SLC9B1: variants seen among roughly 807,000 people sequenced by gnomAD.
The protein encoded by SLC9B1 is sodium/hydrogen exchanger 9B1.
In SLC9B1, 32 loss-of-function variants were observed where a neutral mutation model predicts 51.7. That is an observed-to-expected ratio of 0.62 (90% CI 0.47 to 0.83). The LOEUF is 0.83. Among genes scored for constraint, SLC9B1 ranks in the 40% least tolerant of loss-of-function variants. The pLI is 0.00. For synonymous variants in SLC9B1, 145 were observed against 212.7 expected (o/e 0.68, Z 2.77); for missense variants, 406 against 613.2 (o/e 0.66, Z 3.57).
intron 1 of SLC9B1, among the ~76,000 whole-genome samples, chr4:102,997,519 G>C (rs1204150787): frequency 1.3e-5 from 2 of 151,966 alleles, no homozygotes; most frequent in East Asian, 3.9e-4. Flanking sequence ...ATTTCACTTT[G>C]TATCAGGCCT....
chr4:102,942,162 C>T (rs1183681322), intron 6 of SLC9B1, among the ~76,000 whole-genome samples: 2 of 152,116 alleles, frequency 1.3e-5, no homozygotes, highest in African/African-American at 4.8e-5. Flanking sequence ...AGGTGAAAGA[C>T]TTCTACAGTG....
chr4:102,905,609 T>A lies in SLC9B1; in HGVS notation c.1237A>T (p.Ile413Phe), dbSNP rs779264959. ...ATLSLALCVR[I>F]LTTYLLMCFA... is the part of the protein sequence containing the mutation. ...CACATCAATAGATATGTGGTTAAAATTCGAACACATAATGCCAAACTTAGA... is the reference window on the plus strand; with the variant it reads ...CACATCAATAGATATGTGGTTAAAAATCGAACACATAATGCCAAACTTAGA... Residue 413 changes from isoleucine to phenylalanine, a missense_variant, in exon 11 of 12, where the codon ATT (isoleucine) becomes TTT (phenylalanine). Transcript: ENST00000296422. 1.2e-6 allele frequency: 2 copies of A among 1,611,460 alleles called. No homozygotes were observed. Among genetic ancestry groups the A allele is most frequent in the Non-Finnish European group, 1.7e-6 (2 of 1,179,612 alleles).
At chr4:102,937,224 T>C (rs576260273) in intron 6 of SLC9B1, among the ~76,000 whole-genome samples, 2 of 151,730 alleles carry the variant, frequency 1.3e-5, no homozygotes, top group South Asian at 2.1e-4. Context: ...TGCCTCAGCC[T>C]CCCAAGTAGC....
At chr4:102,982,772 A>C (rs1739424819) in intron 3 of SLC9B1, among the ~76,000 whole-genome samples, 2 of 152,064 alleles carry the variant, frequency 1.3e-5, no homozygotes, top group Non-Finnish European at 2.9e-5. Context: ...TTGTTCCAGG[A>C]GTTTTTTTTA....
Position 102,901,125 on chromosome 4 carries a change from G to A in SLC9B1, c.1540C>T (p.His514Tyr), listed in dbSNP as rs1370644063. Residue 514 changes from histidine (H) to tyrosine (Y), a missense_variant, in exon 12 of 12, where the codon CAT (histidine) becomes TAT (tyrosine). Around this residue, in one of 6 missense-constraint regions of SLC9B1, gnomAD observed 18 missense variants for 35.9 expected, o/e 0.50. Transcript: ENST00000296422. The stretch of plus-strand genomic sequence containing the variant: ...GATGACAGGTAAACTTTTTAATGAT[G>A]TTCTAATGTTGACAACTGCAGTTTT... ...KIKLQLSTLEHH is the reference protein window; with the variant it reads ...KIKLQLSTLEYH The A allele has an allele frequency of 6.2e-6, 10 of 1,610,644 alleles. No homozygotes were observed. The African/African-American group carries it at 1.2e-4, about 19-fold the overall frequency.
chr4:102,899,522 T>G (rs1734692992), downstream of SLC9B1, among the ~76,000 whole-genome samples: 1 of 151,968 alleles, frequency 6.6e-6, no homozygotes, highest in Admixed American at 6.6e-5. Context: ...CAAGCGATTC[T>G]CCTGCCTTAG....
rs570931580 is a variant in SLC9B1 at position 102,930,710 on chromosome 4, A to AT, written c.829+1413dup. On this transcript the variant is annotated intron_variant, in intron 7 of 11. Transcript: ENST00000296422. Reference sequence around the variant, plus strand: ...AGGCATGAGCCACCATGCCTGGCCAATTTTTTAATTAAAAAAAATTTTTAT... The same window carrying AT: ...AGGCATGAGCCACCATGCCTGGCCAATTTTTTTAATTAAAAAAAATTTTTAT... 3.1e-3 allele frequency among the ~76,000 whole-genome samples: 477 copies of AT among 152,236 alleles called. 3 individuals are homozygous for AT. Among genetic ancestry groups the AT allele is most frequent in the African/African-American group, 0.011 (454 of 41,550 alleles).
Position 102,955,694 on chromosome 4 carries a change from A to G in SLC9B1, c.212-6267T>C, listed in dbSNP as rs955114728. Among the ~76,000 whole-genome samples the G allele has an allele frequency of 2.2e-4, 34 of 152,190 alleles. 1 individual carries two copies. Among genetic ancestry groups the G allele is most frequent in the Non-Finnish European group, 4.0e-4 (27 of 68,020 alleles). Reference sequence around the variant, plus strand: ...ATTTAAATGAGAGATCCTGAGGGTCAATAGGTGCAGCAAACCACCATGGCA... The same window carrying G: ...ATTTAAATGAGAGATCCTGAGGGTCGATAGGTGCAGCAAACCACCATGGCA... On this transcript the variant is annotated intron_variant, in intron 3 of 11. Transcript: ENST00000296422.
intron 3 of SLC9B1, among the ~76,000 whole-genome samples, chr4:102,956,304 T>C (rs533318580): frequency 2.6e-4 from 32 of 123,302 alleles, no homozygotes; most frequent in Admixed American, 1.3e-3. Flanking sequence ...ATTAAAAACC[T>C]GAGTATTACT....
rs543903162 is a variant in SLC9B1, at chr4:102,992,990, T to C, written c.-1-1278A>G. On this transcript the variant is annotated intron_variant, in intron 1 of 11. Transcript: ENST00000296422. ...GATCTTCTGAGACTAACTCACAAGA[T>C]CCAGCTACCTATACCTTGTCCCACC... Among the ~76,000 whole-genome samples, 6 of 152,290 alleles carry C rather than the reference T, an allele frequency of 3.9e-5. No homozygotes were observed. The South Asian group carries it at 1.2e-3, about 32-fold the overall frequency.
chr4:102,964,122 C>A (rs1427349422), intron 3 of SLC9B1, among the ~76,000 whole-genome samples: 6 of 151,854 alleles, frequency 4.0e-5, no homozygotes, highest in Non-Finnish European at 8.8e-5. Flanking sequence ...AGAAAAATAT[C>A]ATCACAGACC....
chr4:102,896,421 G>A (rs1328153163), downstream of SLC9B1, among the ~76,000 whole-genome samples: 3 of 151,584 alleles, frequency 2.0e-5, no homozygotes, highest in Non-Finnish European at 2.9e-5. Flanking sequence ...ATAAAATTGT[G>A]GATACCTAAT....
chr4:102,941,353 C>T (rs1736984910), intron 6 of SLC9B1: 1 of 391,092 alleles, frequency 2.6e-6, no homozygotes, highest in South Asian at 1.9e-5. Context: ...AGACACTTCT[C>T]AAAAGAAGAC....
chr4:102,957,786 G>A (rs994146108), intron 3 of SLC9B1, among the ~76,000 whole-genome samples: 107 of 151,210 alleles, frequency 7.1e-4, no homozygotes, highest in African/African-American at 2.4e-3. Flanking sequence ...GTGTATATGT[G>A]TGTGTGTGTG....
chr4:103,014,073 A>C (rs913464339), intron 1 of SLC9B1, among the ~76,000 whole-genome samples: 3 of 152,168 alleles, frequency 2.0e-5, no homozygotes, highest in Admixed American at 6.5e-5. Flanking sequence ...AAAAATGTTA[A>C]AACTCCTTAC....
chr4:102,996,752 C>T (rs1269105778), intron 1 of SLC9B1, among the ~76,000 whole-genome samples: 1 of 151,906 alleles, frequency 6.6e-6, no homozygotes, highest in East Asian at 1.9e-4. Flanking sequence ...TTCCACTGGC[C>T]CATTTGTCTA....
chr4:102,929,143 A>T (rs1301524089), intron 7 of SLC9B1, among the ~76,000 whole-genome samples: 1 of 152,202 alleles, frequency 6.6e-6, no homozygotes, highest in Non-Finnish European at 1.5e-5. Context: ...CAATCCAATC[A>T]AGTTGACACT....
At chr4:102,957,377 A>C (rs1737864174) in intron 3 of SLC9B1, among the ~76,000 whole-genome samples, 1 of 152,222 alleles carries the variant, frequency 6.6e-6, no homozygotes, top group South Asian at 2.1e-4. Flanking sequence ...TAGAGCCATC[A>C]TAGTCAAATT....
At position 102,975,582 on chromosome 4, in the gene SLC9B1, A is replaced by ATTTTT. The variant is rs1361023040; in HGVS notation, c.211+14217_211+14218insAAAAA. On this transcript the variant is annotated intron_variant, in intron 3 of 11. Coordinates refer to ENST00000296422, the MANE Select transcript of SLC9B1 (RefSeq NM_139173.4). The stretch of plus-strand genomic sequence containing the variant: ...TATATATACATATATATATATATAT[A>ATTTTT]TATATTTTTTTTTTTTTTTTTTTTT... Among the ~76,000 whole-genome samples, 135 of 73,500 alleles carry ATTTTT rather than the reference A, an allele frequency of 1.8e-3. 1 individual carries two copies. Among genetic ancestry groups the ATTTTT allele is most frequent in the East Asian group, 3.2e-3 (8 of 2,506 alleles). 48.2% of individuals were successfully genotyped at this position (73,500 alleles called of 152,430 possible). A position where few individuals can be genotyped will look rare whatever the true frequency, so the allele number is the denominator to read the frequency against.
Sources: allele counts gnomAD v4.1 joint callset (sites outside exome capture counted in the v4.1 genomes callset), GRCh38; gene constraint gnomAD v4.1.1; regional missense constraint gnomAD v4.1.1; transcripts MANE v1.5; gene names NCBI Gene and HGNC (gene_info 2026-07-23, HGNC 2026-07-21).